Variants in MYO15B observed in about 807,000 individuals in gnomAD.
The protein encoded by MYO15B is myosin XVB, also known as myosin XVB pseudogene.
Under a neutral mutation model 119.3 loss-of-function variants are expected in MYO15B, and 207 were observed. The observed-to-expected ratio is 1.73, with a 90% CI of 1.55 to 1.95. The LOEUF is 1.95. Among genes scored for constraint, MYO15B ranks in the 30% most tolerant of loss-of-function variants. The pLI, the probability that MYO15B is intolerant of heterozygous loss-of-function variation, is 0.00. For synonymous variants in MYO15B, 966 were observed against 498.9 expected, an observed-to-expected ratio of 1.94 and a Z score of -12.48; for missense variants, 2,264 against 1,203.1, an observed-to-expected ratio of 1.88 and a Z score of -13.04.
Position 75,613,780 on chromosome 17 carries a change from A to G in MYO15B, c.5219+3A>G. 1 of 701,118 alleles carries G rather than the reference A, an allele frequency of 1.4e-6. No homozygotes were observed. Among genetic ancestry groups the G allele is most frequent in the Non-Finnish European group, 2.6e-6 (1 of 384,130 alleles). The allele number at this position is 701,118 out of a possible 1,614,324, so 43.4% of individuals were successfully genotyped here. A position where few individuals can be genotyped will look rare whatever the true frequency, so the allele number is the denominator to read the frequency against. On this transcript the variant is annotated splice_donor_region_variant and intron_variant, in intron 29 of 63. Coordinates refer to ENST00000645453, the Ensembl canonical transcript of MYO15B. ...GCTGGGTGGATCCTGCAGAGCAGGT[A>G]TGGGGACCGGGGATGGGGGACAGTG... is the stretch of plus-strand genomic sequence containing the variant.
rs1206067855 is a variant in MYO15B at position 75,603,055 on chromosome 17, G to C, written c.3869G>C (p.Cys1290Ser). The change falls in exon 18 of 64, where the codon TGC becomes TCC. Residue 1290 changes from cysteine to serine, a missense_variant. Coordinates refer to ENST00000645453, the Ensembl canonical transcript of MYO15B. The stretch of plus-strand genomic sequence containing the variant: ...AGGAGCCATGTCTATTTCATCCAGT[G>C]CCTCACCCCTAACCCTGGAAAGGTG... The C allele has an allele frequency of 7.1e-6, 5 of 703,204 alleles. No individual in the cohort carries two copies. In the Admixed American group the frequency reaches 1.0e-4, roughly 14 times the overall value. 43.6% of individuals were successfully genotyped at this position (703,204 alleles called of 1,614,324 possible). A position where few individuals can be genotyped will look rare whatever the true frequency, so the allele number is the denominator to read the frequency against.
In MYO15B at chr17:75,620,605, C is replaced by T. The variant is rs946244225; in HGVS notation, c.7694C>T (p.Pro2565Leu). ...AAGGGTCAGCTGTCCAACGGGGAAC[C>T]AGGGCTGGCTCGGTGGGACAGGGCC... The change falls in exon 49 of 64, where the codon CCA becomes CTA. Residue 2565 changes from proline (P) to leucine (L), a missense_variant. Coordinates refer to ENST00000645453, the Ensembl canonical transcript of MYO15B. The T allele has an allele frequency of 1.5e-4, 106 of 702,176 alleles. No homozygotes were observed. The Admixed American group carries it at 2.0e-3, about 13-fold the overall frequency. The allele number at this position is 702,176 out of a possible 1,614,324, so 43.5% of individuals were successfully genotyped here.
intron 14 of MYO15B, among the ~76,000 whole-genome samples, chr17:75,599,368 G>A (rs557558453): frequency 6.6e-6 from 1 of 151,976 alleles, no homozygotes; most frequent in Non-Finnish European, 1.5e-5. Flanking sequence ...TCCGCCTCGC[G>A]GGTTGACGCC....
exon 42 of MYO15B, chr17:75,617,843 C>T (rs895332582): frequency 3.7e-5 from 26 of 702,810 alleles, no homozygotes; most frequent in Non-Finnish European, 6.0e-5. Context: ...CAGGGGGTCT[C>T]CACCCAGCTA....
chr17:75,620,230 G>T lies in MYO15B; in HGVS notation c.7444-16G>T, dbSNP rs774255121. Reference sequence around the variant, plus strand: ...GGCAGACTTGCTGCTCCAGGCCCTCGCCTGCTTGCCCACAGGACTCCGGCT... The same window carrying T: ...GGCAGACTTGCTGCTCCAGGCCCTCTCCTGCTTGCCCACAGGACTCCGGCT... On this transcript the variant is annotated splice_polypyrimidine_tract_variant and intron_variant, in intron 47 of 63. Transcript: ENST00000645453. 1 of 702,386 alleles carries T rather than the reference G, an allele frequency of 1.4e-6. No individual in the cohort carries two copies. Among genetic ancestry groups the T allele is most frequent in the Non-Finnish European group, 2.6e-6 (1 of 384,992 alleles). 43.5% of individuals were successfully genotyped at this position (702,386 alleles called of 1,614,324 possible). A position where few individuals can be genotyped will look rare whatever the true frequency, so the allele number is the denominator to read the frequency against.
At chr17:75,600,158 C>T (rs540168688) in intron 14 of MYO15B, among the ~76,000 whole-genome samples, 161 of 151,152 alleles carry the variant, frequency 1.1e-3, no homozygotes, top group African/African-American at 3.7e-3. Context: ...TCCCGAGTAG[C>T]TGGGACCGCA....
chr17:75,617,576 A>ACCCGACAGCTCT, intron 41 of MYO15B: 1 of 502,288 alleles, frequency 2.0e-6, no homozygotes, highest in Admixed American at 3.9e-5. Context: ...TGAGGAAGTT[A>ACCCGACAGCTCT]GTGGCCCTGG....
exon 27 of MYO15B, chr17:75,613,058 C>T (rs3803728): frequency 0.39 from 274,509 of 701,134 alleles, 58,603 homozygotes; most frequent in East Asian, 0.65. Context: ...GGGGCAGTGC[C>T]GGCCAGGGCT....
At chr17:75,617,231 C>T in exon 41 of MYO15B, 1 of 698,036 alleles carries the variant, frequency 1.4e-6, no homozygotes, top group Non-Finnish European at 2.6e-6. Context: ...CTATTGCCCA[C>T]ACACCCCCAC....
At chr17:75,618,173 C>T (rs2058491844) in exon 43 of MYO15B, 3 of 703,198 alleles carry the variant, frequency 4.3e-6, no homozygotes, top group South Asian at 1.5e-5. Flanking sequence ...ACCTGAGGCT[C>T]CTCTGTGAGC....
exon 47 of MYO15B, chr17:75,619,883 G>A (rs1275756936): frequency 7.1e-6 from 5 of 701,930 alleles, no homozygotes; most frequent in African/African-American, 1.7e-5. Flanking sequence ...GCGCAGCTTT[G>A]CGGAGGTGCT....
intron 14 of MYO15B, among the ~76,000 whole-genome samples, chr17:75,597,573 A>G (rs184405806): frequency 6.6e-6 from 1 of 152,142 alleles, no homozygotes; most frequent in Non-Finnish European, 1.5e-5. Context: ...ACAAAATTAG[A>G]CCCAGTCTCT....
intron 43 of MYO15B, 146 bp from the exon 44 acceptor site, chr17:75,618,997 C>G (rs1434117125): frequency 1.6e-6 from 1 of 627,258 alleles, no homozygotes. Flanking sequence ...CCTGCCCCAC[C>G]TAGGCCCTCT....
intron 47 of MYO15B, 27 bp downstream of exon 47, chr17:75,620,047 C>A: frequency 1.4e-6 from 1 of 689,840 alleles, no homozygotes; most frequent in Non-Finnish European, 2.6e-6. Flanking sequence ...GGTTGAGAGG[C>A]CGGGCAGACA....
intron 19 of MYO15B, among the ~76,000 whole-genome samples, chr17:75,604,820 T>C (rs914762899): frequency 6.6e-6 from 1 of 152,104 alleles, no homozygotes. Context: ...AAATAAATAC[T>C]GAGGGGCTCA....
At chr17:75,591,655 G>C in exon 5 of MYO15B, 2 of 702,948 alleles carry the variant, frequency 2.8e-6, no homozygotes, top group South Asian at 1.5e-5. Context: ...CCGCCAAAAA[G>C]ATCATGCAGT....
exon 34 of MYO15B, chr17:75,615,302 A>G: frequency 1.4e-6 from 1 of 702,708 alleles, no homozygotes; most frequent in Non-Finnish European, 2.6e-6. Context: ...ACCCATGCCC[A>G]TGATGCCAGC....
At chr17:75,597,007 T>C in intron 14 of MYO15B, 108 bp downstream of exon 14, 1 of 600,116 alleles carries the variant, frequency 1.7e-6, no homozygotes, top group Non-Finnish European at 3.0e-6. Context: ...GGTTATGGGA[T>C]CCAGCGACCC....
exon 28 of MYO15B, chr17:75,613,392 G>T: frequency 1.5e-6 from 1 of 672,860 alleles, no homozygotes; most frequent in Non-Finnish European, 2.7e-6. Flanking sequence ...GGGCCACTCG[G>T]GCCCACCCCC....
Sources: allele counts gnomAD v4.1 joint callset (sites outside exome capture counted in the v4.1 genomes callset), GRCh38; gene constraint gnomAD v4.1.1; transcripts MANE v1.5; gene names NCBI Gene and HGNC (gene_info 2026-07-23, HGNC 2026-07-21).